KPNA3: variants seen among roughly 807,000 people sequenced by gnomAD.
The protein encoded by KPNA3 is karyopherin subunit alpha 3, also known as importin subunit alpha-4.
A neutral mutation model predicts 73.8 loss-of-function variants in KPNA3; 13 were observed. That is an observed-to-expected ratio of 0.18 (90% CI 0.11 to 0.28). KPNA3 has a LOEUF of 0.28. Ranked by LOEUF, KPNA3 falls within the 10% of genes least tolerant of loss-of-function variation. The probability of loss-of-function intolerance (pLI) is 1.00; values close to 1 mark genes in which losing one functional copy is unlikely to be tolerated. For synonymous variants in KPNA3, 186 were observed against 206.9 expected (o/e 0.90, Z 0.87); for missense variants, 360 against 618.1 (o/e 0.58, Z 4.43).
At chr13:49,765,389 T>A (rs1325101586) in intron 1 of KPNA3, among the ~76,000 whole-genome samples, 1 of 152,248 alleles carries the variant, frequency 6.6e-6, no homozygotes, top group African/African-American at 2.4e-5. Flanking sequence ...CATTACCTTT[T>A]TTGTCATAAC....
chr13:49,702,313 ACT>A (rs1954155511), intron 16 of KPNA3, 71 bp downstream of exon 16: 2 of 786,264 alleles, frequency 2.5e-6, no homozygotes, highest in Non-Finnish European at 2.1e-6. Flanking sequence ...TAAAAGGAAA[ACT>A]CTTAGTAAAT....
At chr13:49,766,590 A>G (rs1435689912) in intron 1 of KPNA3, among the ~76,000 whole-genome samples, 1 of 152,226 alleles carries the variant, frequency 6.6e-6, no homozygotes, top group Non-Finnish European at 1.5e-5. Context: ...AATAGCAGAA[A>G]TTATATTAAA....
In KPNA3 at chr13:49,776,522, C is replaced by A. The variant is rs116488162; in HGVS notation, c.69+15916G>T. ...AATTTTCTCTGTAATATCTGTGAAT[C>A]TATCTGAATGCTAAGATTTTATTTA... On this transcript the variant is annotated intron_variant, in intron 1 of 16. Coordinates refer to ENST00000261667, the MANE Select transcript of KPNA3 (RefSeq NM_002267.4). Among the ~76,000 whole-genome samples the A allele has an allele frequency of 1.5e-3, 232 of 152,286 alleles. 1 individual carries two copies. The highest frequency in any genetic ancestry group is 5.1e-3 in the African/African-American group (213 of 41,564).
At chr13:49,789,293 A>G (rs1463030205) in intron 1 of KPNA3, among the ~76,000 whole-genome samples, 1 of 152,156 alleles carries the variant, frequency 6.6e-6, no homozygotes, top group Non-Finnish European at 1.5e-5. Flanking sequence ...TCACCAGTTA[A>G]CATGCCCCTT....
At chr13:49,772,442 T>C (rs1395962387) in intron 1 of KPNA3, among the ~76,000 whole-genome samples, 1 of 152,174 alleles carries the variant, frequency 6.6e-6, no homozygotes, top group Non-Finnish European at 1.5e-5. Flanking sequence ...GTGGAACAAT[T>C]AGAATTCTCG....
At chr13:49,705,896 G>A (rs941317009) in intron 14 of KPNA3, 113 bp from the exon 15 acceptor site, 4 of 1,079,480 alleles carry the variant, frequency 3.7e-6, no homozygotes, top group Non-Finnish European at 5.2e-6. Flanking sequence ...CCAGGAGTTG[G>A]AGGCTGTAGT....
chr13:49,749,363 A>C (rs1954643614), intron 1 of KPNA3, among the ~76,000 whole-genome samples: 1 of 152,250 alleles, frequency 6.6e-6, no homozygotes, highest in South Asian at 2.1e-4. Flanking sequence ...AAAGTTGGAA[A>C]TAGATTTTTA....
At chr13:49,776,443 C>T (rs1458600006) in intron 1 of KPNA3, among the ~76,000 whole-genome samples, 4 of 152,168 alleles carry the variant, frequency 2.6e-5, no homozygotes, top group Non-Finnish European at 4.4e-5. Flanking sequence ...GGAGTAAATA[C>T]GCATTTTATC....
chr13:49,723,875 A>AG (rs1954383785), intron 7 of KPNA3, among the ~76,000 whole-genome samples: 1 of 151,488 alleles, frequency 6.6e-6, no homozygotes, highest in Admixed American at 6.6e-5. Flanking sequence ...TCTTAAAAAA[A>AG]AAAAAAAAAG....
At chr13:49,728,611 T>C (rs528343623) in intron 6 of KPNA3, among the ~76,000 whole-genome samples, 2 of 152,250 alleles carry the variant, frequency 1.3e-5, no homozygotes, top group African/African-American at 2.4e-5. Context: ...AAAGACAAAG[T>C]ACAATCGAAG....
intron 2 of KPNA3, among the ~76,000 whole-genome samples, chr13:49,742,927 G>A (rs1185493337): frequency 6.6e-6 from 1 of 152,080 alleles, no homozygotes; most frequent in South Asian, 2.1e-4. Context: ...TATTTTTAGA[G>A]ATCATAATTA....
intron 1 of KPNA3, among the ~76,000 whole-genome samples, chr13:49,760,918 C>T (rs1042895460): frequency 2.0e-5 from 3 of 152,182 alleles, no homozygotes; most frequent in Admixed American, 6.5e-5. Flanking sequence ...ATTCTATGGT[C>T]TTCGGATTCC....
At chr13:49,778,642 T>G (rs1954916367) in intron 1 of KPNA3, among the ~76,000 whole-genome samples, 1 of 152,172 alleles carries the variant, frequency 6.6e-6, no homozygotes, top group African/African-American at 2.4e-5. Context: ...AGAGCTTTTG[T>G]TTTTTTGTTG....
At chr13:49,737,226 G>GT (rs1954529961) in intron 2 of KPNA3, among the ~76,000 whole-genome samples, 1 of 152,160 alleles carries the variant, frequency 6.6e-6, no homozygotes, top group African/African-American at 2.4e-5. Context: ...GTCCAGGATT[G>GT]TAAGCACTGG....
chr13:49,712,970 T>C (rs965633859), intron 10 of KPNA3, among the ~76,000 whole-genome samples: 1 of 147,898 alleles, frequency 6.8e-6, no homozygotes, highest in African/African-American at 2.5e-5. Flanking sequence ...AACTAACCTA[T>C]TAAAAAAAAA....
At chr13:49,708,101 T>C (rs962029559) in intron 12 of KPNA3, among the ~76,000 whole-genome samples, 5 of 151,982 alleles carry the variant, frequency 3.3e-5, no homozygotes, top group African/African-American at 1.2e-4. Context: ...GTTCATGCCA[T>C]TCTCCTGCCT....
At chr13:49,752,384 A>T (rs952253159) in intron 1 of KPNA3, among the ~76,000 whole-genome samples, 28 of 152,340 alleles carry the variant, frequency 1.8e-4, no homozygotes, top group African/African-American at 6.5e-4. Flanking sequence ...AGTTCAGGAA[A>T]ATCTATCAAA....
At chr13:49,772,097 C>T (rs957475) in intron 1 of KPNA3, among the ~76,000 whole-genome samples, 12,195 of 152,130 alleles carry the variant, frequency 0.08, 583 homozygotes, top group South Asian at 0.12. Flanking sequence ...AATTTTCTAT[C>T]CAGAAGATCA....
At chr13:49,727,044 C>G (rs1351757875) in intron 6 of KPNA3, among the ~76,000 whole-genome samples, 3 of 151,972 alleles carry the variant, frequency 2.0e-5, no homozygotes. Flanking sequence ...AAGTGGAATA[C>G]CAAGGATTGG....
Sources: gnomAD v4.1 joint callset for allele counts (sites outside exome capture counted in the v4.1 genomes callset) on GRCh38, gnomAD v4.1.1 for gene constraint, MANE v1.5 for transcripts, NCBI Gene and HGNC (gene_info 2026-07-23, HGNC 2026-07-21) for gene names.